NRG4: variants seen among roughly 807,000 people sequenced by gnomAD.
NRG4 encodes the protein neuregulin 4.
Under a neutral mutation model 15.0 loss-of-function variants are expected in NRG4, and 10 were observed. That is an observed-to-expected ratio of 0.67 (90% CI 0.41 to 1.13). NRG4 has a LOEUF of 1.13. NRG4 is among the 50% of genes most tolerant of loss of function. The probability of loss-of-function intolerance (pLI) is 0.00; values close to 1 mark genes in which losing one functional copy is unlikely to be tolerated. For synonymous variants in NRG4, 41 were observed against 50.1 expected (o/e 0.82, Z 0.77); for missense variants, 139 against 140.2 (o/e 0.99, Z 0.04).
chr15:76,010,755 G>A (rs2034781010), intron 2 of NRG4, among the ~76,000 whole-genome samples: 2 of 151,964 alleles, frequency 1.3e-5, no homozygotes, highest in Admixed American at 6.5e-5. Context: ...CAGCATCAAA[G>A]GCGTCATCAT....
At chr15:75,951,373 G>A (rs1209786693) in intron 5 of NRG4, among the ~76,000 whole-genome samples, 1 of 151,776 alleles carries the variant, frequency 6.6e-6, no homozygotes, top group Non-Finnish European at 1.5e-5. Flanking sequence ...TCACCATGTT[G>A]GCCAGGCTGA....
intron 4 of NRG4, among the ~76,000 whole-genome samples, chr15:75,957,365 T>A (rs2032290865): frequency 6.6e-6 from 1 of 152,200 alleles, no homozygotes; most frequent in South Asian, 2.1e-4. Flanking sequence ...TCCTGAGAGA[T>A]GTTTTCACTG....
In NRG4 at chr15:76,047,404, A is replaced by T. The variant is rs116816403; in HGVS notation, c.-105+4663T>A. ...CTATCAATGGATGAATAAAGAAAAT[A>T]GGATATACGTACACACTGGAGTATT... On this transcript the variant is annotated intron_variant, in intron 4 of 8. Transcript: ENST00000563910. Among the ~76,000 whole-genome samples the T allele has an allele frequency of 9.2e-3, 1,385 of 151,134 alleles. 116 individuals carry two copies. The highest frequency in any genetic ancestry group is 0.032 in the African/African-American group (1,305 of 40,618).
downstream of NRG4, chr15:75,939,003 A>G (rs983304829): frequency 6.6e-6 from 1 of 152,196 alleles, no homozygotes; most frequent in Non-Finnish European, 1.5e-5. Context: ...TACATTAAAA[A>G]ACAAAAAAGA....
chr15:76,053,216 T>C (rs2036067528), intron 2 of NRG4: 1 of 150,984 alleles, frequency 6.6e-6, no homozygotes, highest in African/African-American at 2.5e-5. Context: ...CAAACTTATT[T>C]AGGCACAACT....
intron 3 of NRG4, among the ~76,000 whole-genome samples, chr15:75,987,376 T>A (rs1357502624): frequency 6.6e-6 from 1 of 152,254 alleles, no homozygotes. Flanking sequence ...TTTTTCTAAC[T>A]TGATTAGAAT....
At position 75,941,037 on chromosome 15, in the gene NRG4, T is replaced by C. The variant is rs1366914350; in HGVS notation, c.*2601A>G. On this transcript the variant is annotated 3_prime_UTR_variant, in exon 6 of 6. Coordinates refer to ENST00000394907, the MANE Select transcript of NRG4 (RefSeq NM_138573.4). ...GGGAGGAAATAATATGCAGTTCACGTACCTAATAAGGATTAAACATCCAGA... is the reference window on the plus strand; with the variant it reads ...GGGAGGAAATAATATGCAGTTCACGCACCTAATAAGGATTAAACATCCAGA... The C allele has an allele frequency of 6.6e-6, 1 of 152,144 alleles. No individual in the cohort carries two copies. Among genetic ancestry groups the C allele is most frequent in the Non-Finnish European group, 1.5e-5 (1 of 67,970 alleles). 9.4% of individuals were successfully genotyped at this position (152,144 alleles called of 1,614,324 possible).
chr15:76,005,782 A>G, intron 3 of NRG4: 1 of 441,190 alleles, frequency 2.3e-6, no homozygotes, highest in Non-Finnish European at 4.5e-6. Context: ...AAAGGTCTTC[A>G]TTGTTGTCAT....
intron 3 of NRG4, among the ~76,000 whole-genome samples, chr15:75,999,414 G>C (rs530844976): frequency 1.3e-5 from 2 of 152,264 alleles, no homozygotes; most frequent in Non-Finnish European, 1.5e-5. Context: ...AAGGCTAAAG[G>C]AAACTAGCTT....
Position 76,047,439 on chromosome 15 carries a change from TA to T in NRG4, c.-105+4627del, listed in dbSNP as rs1240982563. On this transcript the variant is annotated intron_variant, in intron 4 of 8. Coordinates refer to the NRG4 transcript ENST00000563910. ...TACACACTGGAGTATTATTCATCCATAAAAAAAAGAATAAAATCCCGTCATT... is the reference window on the plus strand; with the variant it reads ...TACACACTGGAGTATTATTCATCCATAAAAAAAGAATAAAATCCCGTCATT... Among the ~76,000 whole-genome samples, 8 of 150,436 alleles carry T rather than the reference TA, an allele frequency of 5.3e-5. 1 individual carries two copies. Among genetic ancestry groups the T allele is most frequent in the East Asian group, 1.9e-4 (1 of 5,194 alleles).
At chr15:76,001,492 TCA>T (rs1021430795) in intron 3 of NRG4, among the ~76,000 whole-genome samples, 3 of 152,216 alleles carry the variant, frequency 2.0e-5, no homozygotes, top group African/African-American at 7.2e-5. Flanking sequence ...TCTCCAGTTC[TCA>T]GTCACACTAG....
At chr15:75,940,804 C>T (rs1281674959), downstream of NRG4, 2 of 152,024 alleles carry the variant, frequency 1.3e-5, no homozygotes, top group African/African-American at 4.8e-5. Context: ...AAGTTGCAAC[C>T]TCACTCATTT....
intron 1 of NRG4, among the ~76,000 whole-genome samples, chr15:76,059,416 G>A (rs1371834102): frequency 6.6e-6 from 1 of 152,180 alleles, no homozygotes. Flanking sequence ...GGATGAAACG[G>A]AGCAACTGGG....
chr15:75,968,791 A>T (rs1406757536), intron 3 of NRG4, among the ~76,000 whole-genome samples: 1 of 152,100 alleles, frequency 6.6e-6, no homozygotes, highest in Non-Finnish European at 1.5e-5. Context: ...AGAAAAAGTA[A>T]AACTACAAAC....
chr15:75,988,862 T>G (rs561422523), intron 3 of NRG4, among the ~76,000 whole-genome samples: 11 of 148,598 alleles, frequency 7.4e-5, no homozygotes, highest in African/African-American at 2.7e-4. Flanking sequence ...CCTTTTTTTT[T>G]TTTTTTTTTT....
rs1567078091 is a variant in NRG4 at position 75,961,931 on chromosome 15, G to A, written c.148C>T (p.Leu50Phe). ...YTGARCEEVF[L>F]PGSSIQTKSN... Reference sequence around the variant, plus strand: ...TTAGTTTGGATGCTGGAGCCTGGGAGAAAAACCTCTTCACAACGAGCTCCT... The same window carrying A: ...TTAGTTTGGATGCTGGAGCCTGGGAAAAAAACCTCTTCACAACGAGCTCCT... Residue 50 changes from leucine (L) to phenylalanine (F), a missense_variant, in exon 4 of 6, where the codon CTC becomes TTC. Coordinates refer to ENST00000394907, the MANE Select transcript of NRG4 (RefSeq NM_138573.4). 1.9e-6 allele frequency: 3 copies of A among 1,613,522 alleles called. No individual in the cohort carries two copies. Among genetic ancestry groups the A allele is most frequent in the Non-Finnish European group, 2.5e-6 (3 of 1,179,498 alleles).
chr15:75,993,503 C>T (rs554836824), intron 3 of NRG4, among the ~76,000 whole-genome samples: 2 of 151,154 alleles, frequency 1.3e-5, no homozygotes, highest in East Asian at 3.9e-4. Flanking sequence ...AGTTCAAGAC[C>T]AGCCTGGCCA....
chr15:75,948,011 CTTG>C (rs1221768356), intron 5 of NRG4, among the ~76,000 whole-genome samples: 4 of 152,116 alleles, frequency 2.6e-5, no homozygotes, highest in African/African-American at 9.7e-5. Context: ...GGTTCTTCTA[CTTG>C]TTGTAATTGA....
intron 3 of NRG4, among the ~76,000 whole-genome samples, chr15:76,006,056 T>C (rs964979924): frequency 1.3e-5 from 2 of 152,124 alleles, no homozygotes; most frequent in African/African-American, 4.8e-5. Context: ...GGACAGATGA[T>C]GAGAATTAGC....
Sources: allele counts gnomAD v4.1 joint callset (sites outside exome capture counted in the v4.1 genomes callset), GRCh38; gene constraint gnomAD v4.1.1; transcripts MANE v1.5; gene names NCBI Gene and HGNC (gene_info 2026-07-23, HGNC 2026-07-21).